The following DPYSL3 variants were observed in gnomAD, a reference collection of about 807,000 sequenced individuals.
DPYSL3 encodes dihydropyrimidinase like 3.
A neutral mutation model predicts 66.1 loss-of-function variants in DPYSL3; 16 were observed. The observed-to-expected ratio is 0.24, with a 90% CI of 0.16 to 0.37. The LOEUF (loss-of-function observed/expected upper bound fraction) is 0.37. DPYSL3 is among the 10% of genes least tolerant of loss of function. DPYSL3 has a pLI of 1.00. For missense variants in DPYSL3, 738 were observed against 916.2 expected (o/e 0.81, Z 2.51); for synonymous variants, 338 against 345.1 (o/e 0.98, Z 0.23).
chr5:147,503,443 A>G (rs1753643099), intron 1 of DPYSL3, among the ~76,000 whole-genome samples: 2 of 152,146 alleles, frequency 1.3e-5, no homozygotes, highest in Non-Finnish European at 2.9e-5. Flanking sequence ...ACAGTCGTGC[A>G]CCACCATGCT....
chr5:147,498,784 TA>T (rs1201913897), intron 1 of DPYSL3, among the ~76,000 whole-genome samples: 1 of 152,196 alleles, frequency 6.6e-6, no homozygotes, highest in Non-Finnish European at 1.5e-5. Flanking sequence ...GCCTACTTTT[TA>T]ATGGGGTTGT....
chr5:147,410,605 T>C (rs1581178532), intron 6 of DPYSL3, among the ~76,000 whole-genome samples: 1 of 152,302 alleles, frequency 6.6e-6, no homozygotes, highest in African/African-American at 2.4e-5. Flanking sequence ...CGTCCAAGGC[T>C]TGGCGTATAG....
chr5:147,456,806 G>A (rs1349364946), intron 1 of DPYSL3, among the ~76,000 whole-genome samples: 1 of 151,824 alleles, frequency 6.6e-6, no homozygotes, highest in East Asian at 1.9e-4. Flanking sequence ...GGCCATGCTG[G>A]TCTCGAACTC....
chr5:147,492,760 A>G (rs1581217315), intron 1 of DPYSL3, among the ~76,000 whole-genome samples: 1 of 152,162 alleles, frequency 6.6e-6, no homozygotes, highest in East Asian at 1.9e-4. Context: ...ATTATAGAAG[A>G]CAAAAGTAGG....
chr5:147,439,025 C>T (rs1274346359), intron 1 of DPYSL3, among the ~76,000 whole-genome samples: 1 of 152,182 alleles, frequency 6.6e-6, no homozygotes, highest in Non-Finnish European at 1.5e-5. Context: ...TTTGATAACC[C>T]TGTTTCCTTG....
rs143367732 is a variant in DPYSL3 at position 147,434,822 on chromosome 5, C to T, written c.382-9859G>A. ...CTCAGAGCAGTGAAACTGTCCTAGA[C>T]GATACTGCAATGATAGACACATGAC... On this transcript the variant is annotated intron_variant, in intron 1 of 13. Transcript: ENST00000343218. 1.8e-3 allele frequency among the ~76,000 whole-genome samples: 275 copies of T among 152,202 alleles called. 2 individuals carry two copies. The highest frequency in any genetic ancestry group is 0.014 in the Middle Eastern group (4 of 294).
rs188735247 is a variant in DPYSL3, at chr5:147,397,808, C to T, written c.1661G>A (p.Arg554His). 1.1e-4 allele frequency: 185 copies of T among 1,613,714 alleles called. No homozygotes were observed. The East Asian group carries it at 2.9e-3, about 25-fold the overall frequency. The part of the protein sequence containing the change: ...EYNIFEGMEL[R>H]GAPLVVICQG... Reference sequence around the variant, plus strand: ...GCAGATGACAACCAGAGGAGCCCCGCGCAGCTCCATCCCTTCAAAGATGTT... The same window carrying T: ...GCAGATGACAACCAGAGGAGCCCCGTGCAGCTCCATCCCTTCAAAGATGTT... The change falls in exon 12 of 14, where the codon CGC becomes CAC. Residue 554 changes from arginine (R) to histidine (H), a missense_variant. Physicochemically the swap from Arg to His is conservative, Grantham distance 29. Transcript: ENST00000343218.
chr5:147,401,320 T>A (rs1185201879), intron 9 of DPYSL3, among the ~76,000 whole-genome samples: 1 of 152,214 alleles, frequency 6.6e-6, no homozygotes, highest in East Asian at 1.9e-4. Flanking sequence ...AGGTTTTAAC[T>A]ACTATTACCA....
chr5:147,453,932 C>T (rs181801817), intron 1 of DPYSL3: 2 of 345,402 alleles, frequency 5.8e-6, no homozygotes, highest in African/African-American at 4.2e-5. Flanking sequence ...CTCTCTTATC[C>T]CTATTGATTT....
chr5:147,484,794 G>GTT (rs1253780768), intron 1 of DPYSL3, among the ~76,000 whole-genome samples: 2 of 152,196 alleles, frequency 1.3e-5, no homozygotes. Flanking sequence ...GACGTGGTTT[G>GTT]TTAACTGCTC....
At chr5:147,481,872 C>T (rs1199715376) in intron 1 of DPYSL3, among the ~76,000 whole-genome samples, 1 of 152,144 alleles carries the variant, frequency 6.6e-6, no homozygotes, top group Non-Finnish European at 1.5e-5. Context: ...TATAAATTAC[C>T]CAGTCTCAGG....
chr5:147,461,525 C>A lies in DPYSL3; in HGVS notation c.382-36562G>T, dbSNP rs151187881. 2.0e-4 allele frequency among the ~76,000 whole-genome samples: 31 copies of A among 152,248 alleles called. No individual in the cohort carries two copies. The South Asian group carries it at 3.1e-3, about 15-fold the overall frequency. The stretch of plus-strand genomic sequence containing the variant: ...ACTCTCAACCTTACTCTTTGTGTGT[C>A]CATGTCTTAGTTTTCCATGGCTGTG... On this transcript the variant is annotated intron_variant, in intron 1 of 13. Transcript: ENST00000343218.
intron 1 of DPYSL3, among the ~76,000 whole-genome samples, chr5:147,431,373 C>T (rs1331096188): frequency 3.3e-5 from 5 of 152,016 alleles, no homozygotes; most frequent in Admixed American, 6.6e-5. Flanking sequence ...CAACACTACC[C>T]GTGTTTGGAT....
chr5:147,429,157 G>A (rs1752259182), intron 1 of DPYSL3, among the ~76,000 whole-genome samples: 1 of 152,174 alleles, frequency 6.6e-6, no homozygotes, highest in African/African-American at 2.4e-5. Flanking sequence ...ACTAGGGCAT[G>A]CTGTGGTAAT....
chr5:147,431,236 G>A (rs528446866), intron 1 of DPYSL3, among the ~76,000 whole-genome samples: 2 of 152,270 alleles, frequency 1.3e-5, no homozygotes, highest in South Asian at 4.1e-4. Flanking sequence ...TAGTCCAGTT[G>A]ACTCAAGGTG....
intron 1 of DPYSL3, among the ~76,000 whole-genome samples, chr5:147,450,030 A>G (rs1752697093): frequency 6.6e-6 from 1 of 152,208 alleles, no homozygotes; most frequent in African/African-American, 2.4e-5. Flanking sequence ...ACCAATGTCA[A>G]GTAACAGCAA....
intron 1 of DPYSL3, among the ~76,000 whole-genome samples, chr5:147,452,678 C>G (rs1014019563): frequency 6.6e-6 from 1 of 152,030 alleles, no homozygotes; most frequent in East Asian, 1.9e-4. Context: ...GATAATGGCA[C>G]GTCCCCTCTC....
chr5:147,451,726 C>T (rs1381439303), intron 1 of DPYSL3, among the ~76,000 whole-genome samples: 1 of 152,202 alleles, frequency 6.6e-6, no homozygotes, highest in African/African-American at 2.4e-5. Flanking sequence ...ATGTGGCATA[C>T]CTCCAGCATA....
rs1276087650 is a variant in DPYSL3, at chr5:147,405,690, C to T, written c.1073G>A (p.Ser358Asn). The T allele has an allele frequency of 6.2e-7, 1 of 1,613,932 alleles. No individual in the cohort carries two copies. The highest frequency in any genetic ancestry group is 2.2e-5 in the East Asian group (1 of 44,874). Reference sequence around the variant, plus strand: ...GACGTAGAGAGGGCAATTGGTTTGGCTGGCAATGGTGATGGCACGGAACAC... The same window carrying T: ...GACGTAGAGAGGGCAATTGGTTTGGTTGGCAATGGTGATGGCACGGAACAC... ...EAVFRAITIA[S>N]QTNCPLYVTK... The change falls in exon 8 of 14, where the codon AGC becomes AAC. Residue 358 changes from serine (S) to asparagine (N), a missense_variant. Transcript: ENST00000343218.
Sources: gnomAD v4.1 joint callset for allele counts (sites outside exome capture counted in the v4.1 genomes callset) on GRCh38, gnomAD v4.1.1 for gene constraint, MANE v1.5 for transcripts, NCBI Gene and HGNC (gene_info 2026-07-23, HGNC 2026-07-21) for gene names.